Variants in BPIFB4 observed in about 807,000 individuals in gnomAD.
BPIFB4 encodes BPI fold containing family B member 4, also known as BPI fold-containing family B member 4.
Under a neutral mutation model 69.2 loss-of-function variants are expected in BPIFB4, and 62 were observed. The observed-to-expected ratio is 0.90, with a 90% CI of 0.73 to 1.11. The LOEUF (loss-of-function observed/expected upper bound fraction) is 1.11. Ranked by LOEUF, BPIFB4 falls within the 50% of genes least tolerant of loss-of-function variation. The pLI, the probability that BPIFB4 is intolerant of heterozygous loss-of-function variation, is 0.00. For synonymous variants in BPIFB4, 330 were observed against 332.7 expected, an observed-to-expected ratio of 0.99 and a Z score of 0.09; for missense variants, 789 against 792.0, an observed-to-expected ratio of 1.00 and a Z score of 0.04.
At chr20:33,093,013 G>A (rs1025972899) in intron 11 of BPIFB4, among the ~76,000 whole-genome samples, 1 of 152,080 alleles carries the variant, frequency 6.6e-6, no homozygotes, top group Admixed American at 6.6e-5. Flanking sequence ...TAATACATAA[G>A]TAACAAAATG....
intron 7 of BPIFB4, among the ~76,000 whole-genome samples, chr20:33,088,444 T>C (rs1293974322): frequency 6.6e-6 from 1 of 152,216 alleles, no homozygotes; most frequent in East Asian, 1.9e-4. Context: ...CCCAATTGTT[T>C]GAGCACCAAC....
chr20:33,110,262 T>G (rs11697130), intron 17 of BPIFB4, among the ~76,000 whole-genome samples: 11 of 152,200 alleles, frequency 7.2e-5, no homozygotes, highest in South Asian at 2.1e-4. Flanking sequence ...TTCTGATGAG[T>G]CTGGCCTATT....
intron 5 of BPIFB4, among the ~76,000 whole-genome samples, chr20:33,084,448 GAAGT>G (rs1449214389): frequency 4.6e-5 from 7 of 152,206 alleles, no homozygotes; most frequent in African/African-American, 1.7e-4. Context: ...AGTTCATGGA[GAAGT>G]AAGAATCTCT....
chr20:33,109,996 G>C (rs1007495439), intron 17 of BPIFB4, among the ~76,000 whole-genome samples: 3 of 152,152 alleles, frequency 2.0e-5, no homozygotes, highest in Admixed American at 1.3e-4. Flanking sequence ...GACAGTTCCA[G>C]AATACCCTTC....
intron 3 of BPIFB4, among the ~76,000 whole-genome samples, 183 bp downstream of exon 3, chr20:33,081,815 T>C (rs1348572815): frequency 6.6e-6 from 1 of 152,258 alleles, no homozygotes; most frequent in African/African-American, 2.4e-5. Context: ...GCACCTACTA[T>C]GTGCCAAGCA....
chr20:33,105,178 C>G (rs1982013835), intron 16 of BPIFB4, among the ~76,000 whole-genome samples: 1 of 152,122 alleles, frequency 6.6e-6, no homozygotes, highest in Admixed American at 6.5e-5. Flanking sequence ...TTAAAAAAAA[C>G]TCACCTCGCA....
At chr20:33,102,844 T>C (rs1244924218) in intron 14 of BPIFB4, 128 bp from the exon 15 acceptor site, 3 of 966,230 alleles carry the variant, frequency 3.1e-6, no homozygotes, top group African/African-American at 3.2e-5. Flanking sequence ...ATTGTTCTTA[T>C]TAAATCCCTG....
chr20:33,087,087 A>G (rs1981452760), intron 7 of BPIFB4, among the ~76,000 whole-genome samples: 1 of 152,236 alleles, frequency 6.6e-6, no homozygotes. Context: ...ATGGAGGCAA[A>G]GAAAATCAGC....
At chr20:33,109,121 G>A (rs564309322) in intron 17 of BPIFB4, among the ~76,000 whole-genome samples, 20 of 152,248 alleles carry the variant, frequency 1.3e-4, no homozygotes, top group Non-Finnish European at 2.4e-4. Context: ...GTAGGACCTC[G>A]GCACTGCTTT....
chr20:33,109,800 G>C (rs983644056), intron 17 of BPIFB4, among the ~76,000 whole-genome samples: 2 of 152,170 alleles, frequency 1.3e-5, no homozygotes, highest in African/African-American at 2.4e-5. Context: ...ACAAATGCCT[G>C]TAATCAAATG....
intron 7 of BPIFB4, among the ~76,000 whole-genome samples, chr20:33,088,641 A>C (rs1981506145): frequency 6.6e-6 from 1 of 152,226 alleles, no homozygotes; most frequent in Non-Finnish European, 1.5e-5. Flanking sequence ...GACCCATTTG[A>C]GGGTCAGATC....
intron 17 of BPIFB4, 136 bp downstream of exon 17, chr20:33,107,956 C>T (rs1483328091): frequency 1.4e-6 from 1 of 734,226 alleles, no homozygotes; most frequent in Non-Finnish European, 2.4e-6. Flanking sequence ...CCTCTTCCTT[C>T]CAAGCATGGG....
intron 5 of BPIFB4, among the ~76,000 whole-genome samples, chr20:33,084,166 A>G (rs1249591296): frequency 6.6e-6 from 1 of 152,206 alleles, no homozygotes; most frequent in Non-Finnish European, 1.5e-5. Flanking sequence ...TCATAGTAAT[A>G]CAGTGTAGTG....
At chr20:33,085,909 T>A in intron 6 of BPIFB4, 112 bp from the exon 7 acceptor site, 1 of 1,340,996 alleles carries the variant, frequency 7.5e-7, no homozygotes, top group Non-Finnish European at 1.0e-6. Flanking sequence ...TCCTTAGAGA[T>A]GAGCAAGGAG....
chr20:33,099,479 G>A (rs1021256971), intron 13 of BPIFB4, among the ~76,000 whole-genome samples: 1 of 152,152 alleles, frequency 6.6e-6, no homozygotes, highest in Non-Finnish European at 1.5e-5. Context: ...CTGTCCCAGG[G>A]ATGCAGCCCT....
rs1484053149 is a variant in BPIFB4 at position 33,083,390 on chromosome 20, G to A, written c.193G>A (p.Asp65Asn). The A allele has an allele frequency of 6.2e-7, 1 of 1,613,394 alleles. No individual in the cohort carries two copies. Among genetic ancestry groups the A allele is most frequent in the Admixed American group, 1.7e-5 (1 of 59,978 alleles). ...AGGTGTTGGTGATATTCCCTACAAT[G>A]ACTTCCATGTCCGAGGACCCCCCCC... ...PLGVGDIPYNDFHVRGPPPVY... is the reference protein window; with the variant it reads ...PLGVGDIPYNNFHVRGPPPVY... Residue 65 changes from aspartate (D) to asparagine (N), a missense_variant, in exon 5 of 18, where the codon GAC becomes AAC. By Grantham distance (23) the Asp-to-Asn change is conservative. Around this residue, in one of 3 missense-constraint regions of BPIFB4, gnomAD observed 611 missense variants for 575.4 expected, o/e 1.06. Coordinates refer to ENST00000375483, the MANE Select transcript of BPIFB4 (RefSeq NM_182519.3).
At chr20:33,094,993 C>G in intron 11 of BPIFB4, 107 bp from the exon 12 acceptor site, 1 of 1,123,562 alleles carries the variant, frequency 8.9e-7, no homozygotes, top group Non-Finnish European at 1.4e-6. Flanking sequence ...GACGAAGACG[C>G]CCTGCTGGGT....
At chr20:33,082,882 G>A (rs2146401605) in intron 3 of BPIFB4, 56 bp from the exon 4 acceptor site, 4 of 1,529,874 alleles carry the variant, frequency 2.6e-6, no homozygotes, top group Non-Finnish European at 3.6e-6. Flanking sequence ...GCTGCCTGGG[G>A]GCTGGAGGTG....
intron 13 of BPIFB4, among the ~76,000 whole-genome samples, chr20:33,099,081 A>G (rs757319217): frequency 6.6e-6 from 1 of 151,804 alleles, no homozygotes. Context: ...GATGCTCAGT[A>G]AACATTGGTC....
Sources: gnomAD v4.1 joint callset for allele counts (sites outside exome capture counted in the v4.1 genomes callset) on GRCh38, gnomAD v4.1.1 for gene constraint, gnomAD v4.1.1 regional missense constraint, MANE v1.5 for transcripts, NCBI Gene and HGNC (gene_info 2026-07-23, HGNC 2026-07-21) for gene names.